The following LRRN1 variants were observed in gnomAD, a reference collection of about 807,000 sequenced individuals.
LRRN1 encodes leucine rich repeat neuronal 1, also known as leucine-rich repeat neuronal protein 1.
Under a neutral mutation model 45.8 loss-of-function variants are expected in LRRN1, and 14 were observed. The observed-to-expected ratio is 0.31, with a 90% CI of 0.20 to 0.48. The LOEUF (loss-of-function observed/expected upper bound fraction) is 0.48, where lower values mean the gene tolerates loss of function less well. LRRN1 is among the 20% of genes least tolerant of loss of function. The probability of loss-of-function intolerance (pLI) is 0.99; values close to 1 mark genes in which losing one functional copy is unlikely to be tolerated. For synonymous variants in LRRN1, 359 were observed against 330.1 expected, an observed-to-expected ratio of 1.09 and a Z score of -0.95; for missense variants, 789 against 874.2, an observed-to-expected ratio of 0.90 and a Z score of 1.23.
intron 1 of LRRN1, chr3:3,804,273 G>T (rs1692712470): frequency 6.6e-6 from 1 of 152,152 alleles, no homozygotes; most frequent in South Asian, 2.1e-4. Context: ...ACATAATCGA[G>T]TTGGGAGAAT....
rs1693785628 is a variant in LRRN1, at chr3:3,846,644, A to C, written c.2003A>C (p.Tyr668Ser). Residue 668 changes from tyrosine to serine, a missense_variant, in exon 2 of 2, where the codon TAT becomes TCT. Transcript: ENST00000319331. The surrounding 1 kb of genome is among the most constrained non-coding windows in gnomAD (Gnocchi z 5.7). ...RKNYHHSLKK[Y>S]MQKTSSIPLN... ...AACTACCACCACTCATTAAAAAAGT[A>C]TATGCAAAAAACCTCTTCAATCCCA... 1 of 1,614,086 alleles carries C rather than the reference A, an allele frequency of 6.2e-7. No homozygotes were observed. The highest frequency in any genetic ancestry group is 8.5e-7 in the Non-Finnish European group (1 of 1,180,010).
chr3:3,835,507 G>A (rs1482362983), intron 1 of LRRN1, among the ~76,000 whole-genome samples: 1 of 151,878 alleles, frequency 6.6e-6, no homozygotes, highest in Non-Finnish European at 1.5e-5. Flanking sequence ...CATCTAGTAA[G>A]TGGAGAAGCA....
intron 1 of LRRN1, among the ~76,000 whole-genome samples, chr3:3,834,793 C>A (rs2106466218): frequency 6.6e-6 from 1 of 151,230 alleles, no homozygotes; most frequent in East Asian, 2.0e-4. Flanking sequence ...GGAGGCTAGG[C>A]CCATCTCTTC....
chr3:3,806,583 A>G (rs1692763836), intron 1 of LRRN1, among the ~76,000 whole-genome samples: 1 of 152,150 alleles, frequency 6.6e-6, no homozygotes, highest in African/African-American at 2.4e-5. Flanking sequence ...AGTAAACGGG[A>G]GAGGAGGCTG....
Position 3,848,778 on chromosome 3 carries a change from A to G in LRRN1, c.*1986A>G, listed in dbSNP as rs1693831442. On this transcript the variant is annotated 3_prime_UTR_variant, in exon 2 of 2. Transcript: ENST00000319331. ...CTGCCAGTTCAGCGCTCTGCACTCC[A>G]TTGATTGTTCTAGGCCCGGCAGCCT... Among the ~76,000 whole-genome samples the G allele has an allele frequency of 6.6e-6, 1 of 152,152 alleles. No individual in the cohort carries two copies. Among genetic ancestry groups the G allele is most frequent in the South Asian group, 2.1e-4 (1 of 4,830 alleles).
intron 1 of LRRN1, among the ~76,000 whole-genome samples, chr3:3,828,228 C>A (rs1411117629): frequency 1.3e-5 from 2 of 151,398 alleles, no homozygotes; most frequent in African/African-American, 4.9e-5. Context: ...ATCACAAGGT[C>A]CCACAATAGG....
Position 3,846,443 on chromosome 3 carries a change from T to A in LRRN1, c.1802T>A (p.Ile601Asn). 6.2e-7 allele frequency: 1 copy of A among 1,614,120 alleles called. No homozygotes were observed. Among genetic ancestry groups the A allele is most frequent in the East Asian group, 2.2e-5 (1 of 44,880 alleles). Residue 601 changes from isoleucine to asparagine, a missense_variant, in exon 2 of 2, where the codon ATT becomes AAT. By Grantham distance (149) the Ile-to-Asn change is moderately radical. Coordinates refer to ENST00000319331, the MANE Select transcript of LRRN1 (RefSeq NM_020873.7). The surrounding 1 kb of genome is among the most constrained non-coding windows in gnomAD (Gnocchi z 5.7). ...GAAGTGTGTCTCACAGTGTCCAATA[T>A]TCATCAGCAGACTCAAAAGTCATGC... ...DYEVCLTVSN[I>N]HQQTQKSCVN...
At chr3:3,817,781 C>T (rs1356072083) in intron 1 of LRRN1, among the ~76,000 whole-genome samples, 2 of 151,782 alleles carry the variant, frequency 1.3e-5, no homozygotes, top group South Asian at 2.1e-4. Flanking sequence ...CAAAAGACAG[C>T]GCAGAGCTCT....
chr3:3,807,829 C>A (rs1692796658), intron 1 of LRRN1, among the ~76,000 whole-genome samples: 1 of 152,166 alleles, frequency 6.6e-6, no homozygotes, highest in South Asian at 2.1e-4. Flanking sequence ...TTCCAGCTGA[C>A]TGTGGTTCTG....
chr3:3,841,133 A>G (rs903596012), intron 1 of LRRN1, among the ~76,000 whole-genome samples: 1 of 152,016 alleles, frequency 6.6e-6, no homozygotes, highest in African/African-American at 2.4e-5. Flanking sequence ...CCTTGTCTCT[A>G]CTGAAAATAC....
chr3:3,812,580 G>C (rs1461005661), intron 1 of LRRN1, among the ~76,000 whole-genome samples: 3 of 152,180 alleles, frequency 2.0e-5, no homozygotes, highest in African/African-American at 7.2e-5. Flanking sequence ...GTTCAGCGAA[G>C]GAAGAGACTG....
rs1692989775 is a variant in LRRN1, at chr3:3,816,563, C to G, written c.-279+16644C>G. On this transcript the variant is annotated intron_variant, in intron 1 of 1. Coordinates refer to ENST00000319331, the MANE Select transcript of LRRN1 (RefSeq NM_020873.7). The surrounding 1 kb of genome is among the most constrained non-coding windows in gnomAD (Gnocchi z 4.0). ...AAAAAAAAATATTCCAATATGAGTT[C>G]ATTATTAGGGCCTTGAAGAAAACTA... Among the ~76,000 whole-genome samples the G allele has an allele frequency of 6.6e-6, 1 of 152,062 alleles. No homozygotes were observed. The highest frequency in any genetic ancestry group is 2.4e-5 in the African/African-American group (1 of 41,404).
chr3:3,801,802 C>T (rs1266709118), intron 1 of LRRN1, among the ~76,000 whole-genome samples: 2 of 152,192 alleles, frequency 1.3e-5, no homozygotes, highest in Non-Finnish European at 2.9e-5. Context: ...AATATTCAAG[C>T]TGGATATTCT....
chr3:3,829,351 C>T (rs1386141074), intron 1 of LRRN1, among the ~76,000 whole-genome samples: 2 of 152,112 alleles, frequency 1.3e-5, no homozygotes, highest in Non-Finnish European at 2.9e-5. Context: ...GTTCCTCCTC[C>T]TGGAACTAAG....
intron 1 of LRRN1, among the ~76,000 whole-genome samples, chr3:3,840,277 T>A (rs1693620237): frequency 1.3e-5 from 2 of 152,218 alleles, no homozygotes. Flanking sequence ...CATATTATAC[T>A]GATAGTTTTT....
rs746268833 is a variant in LRRN1 at position 3,845,045 on chromosome 3, C to A, written c.404C>A (p.Thr135Asn). The A allele has an allele frequency of 4.3e-6, 7 of 1,614,156 alleles. No individual in the cohort carries two copies. The highest frequency in any genetic ancestry group is 5.9e-6 in the Non-Finnish European group (7 of 1,180,024). The change falls in exon 2 of 2, where the codon ACT becomes AAT. Residue 135 changes from threonine (T) to asparagine (N), a missense_variant. Transcript: ENST00000319331. This position sits in a 1 kb window ranked among gnomAD's most constrained non-coding sequence, Gnocchi z 6.5. ...GAGGAAAATCAGATTACCGAGATGACTGATTACTGTCTACAAGACCTCAGC... is the reference window on the plus strand; with the variant it reads ...GAGGAAAATCAGATTACCGAGATGAATGATTACTGTCTACAAGACCTCAGC... ...HLEENQITEM[T>N]DYCLQDLSNL... is the part of the protein sequence containing the mutation.
In LRRN1 at chr3:3,846,135, A is replaced by C. The variant is rs563807163; in HGVS notation, c.1494A>C (p.Thr498=). 17 of 1,614,122 alleles carry C rather than the reference A, an allele frequency of 1.1e-5. 1 individual carries two copies. The South Asian group carries it at 1.8e-4, about 17-fold the overall frequency. ...NIQIEDSGRY[T]CVAQNVQGAD... Reference sequence around the variant, plus strand: ...AAATTGAAGACTCAGGAAGATACACATGTGTTGCCCAGAATGTCCAAGGGG... The same window carrying C: ...AAATTGAAGACTCAGGAAGATACACCTGTGTTGCCCAGAATGTCCAAGGGG... Residue 498 remains threonine, a synonymous_variant, in exon 2 of 2, where the codon ACA becomes ACC. Coordinates refer to ENST00000319331, the MANE Select transcript of LRRN1 (RefSeq NM_020873.7). The surrounding 1 kb of genome is among the most constrained non-coding windows in gnomAD (Gnocchi z 5.7).
rs751942395 is a variant in LRRN1, at chr3:3,846,492, C to T, written c.1851C>T (p.Ala617=). Residue 617 remains alanine, a synonymous_variant, in exon 2 of 2, where the codon GCC becomes GCT. Transcript: ENST00000319331. This position sits in a 1 kb window ranked among gnomAD's most constrained non-coding sequence, Gnocchi z 5.7. Reference sequence around the variant, plus strand: ...GCGTAAATGTCACAACCAAAAATGCCGCCTTCGCAGTGGACATCTCTGATC... The same window carrying T: ...GCGTAAATGTCACAACCAAAAATGCTGCCTTCGCAGTGGACATCTCTGATC... The part of the protein sequence containing the change: ...KSCVNVTTKN[A]AFAVDISDQE... The T allele has an allele frequency of 5.9e-5, 95 of 1,614,040 alleles. No homozygotes were observed. The South Asian group carries it at 6.6e-4, about 11-fold the overall frequency.
chr3:3,837,690 C>A (rs538849842), intron 1 of LRRN1, among the ~76,000 whole-genome samples: 1 of 151,758 alleles, frequency 6.6e-6, no homozygotes, highest in East Asian at 1.9e-4. Flanking sequence ...TTTGAGCCAC[C>A]GCACCACATT....
Sources: gnomAD v4.1 joint callset for allele counts (sites outside exome capture counted in the v4.1 genomes callset) on GRCh38, gnomAD v4.1.1 for gene constraint, Gnocchi (gnomAD v3.1) non-coding constraint, MANE v1.5 for transcripts, NCBI Gene and HGNC (gene_info 2026-07-23, HGNC 2026-07-21) for gene names.